MYO5B: variants seen among roughly 807,000 people sequenced by gnomAD.
The protein encoded by MYO5B is myosin VB, also known as unconventional myosin-Vb.
A neutral mutation model predicts 229.3 loss-of-function variants in MYO5B; 143 were observed. That is an observed-to-expected ratio of 0.62 (90% CI 0.54 to 0.72). The LOEUF (loss-of-function observed/expected upper bound fraction) is 0.72. MYO5B is among the 30% of genes least tolerant of loss of function. The pLI is 0.00. For missense variants in MYO5B, 2,321 were observed against 2,331.0 expected (o/e 1.00, Z 0.09); for synonymous variants, 918 against 885.2 (o/e 1.04, Z -0.66).
intron 1 of MYO5B, among the ~76,000 whole-genome samples, chr18:50,068,533 C>T (rs1019927690): frequency 3.3e-5 from 5 of 152,126 alleles, no homozygotes; most frequent in Admixed American, 6.5e-5. Context: ...CCAAGCAGTC[C>T]CACCTTAAGT....
At chr18:50,172,706 G>A (rs1261403699) in intron 1 of MYO5B, among the ~76,000 whole-genome samples, 1 of 152,206 alleles carries the variant, frequency 6.6e-6, no homozygotes. Flanking sequence ...CAGTGAACAG[G>A]ACAAGTGCTG....
intron 22 of MYO5B, among the ~76,000 whole-genome samples, chr18:49,891,092 G>C (rs185696676): frequency 6.6e-6 from 1 of 152,094 alleles, no homozygotes; most frequent in Non-Finnish European, 1.5e-5. Context: ...TGACCTGGCC[G>C]CACTGTGCTC....
intron 14 of MYO5B, among the ~76,000 whole-genome samples, chr18:49,948,323 T>C (rs1263794456): frequency 1.3e-5 from 2 of 152,216 alleles, no homozygotes; most frequent in African/African-American, 2.4e-5. Flanking sequence ...TGGTACCCTT[T>C]GGAGGGAAAA....
intron 1 of MYO5B, among the ~76,000 whole-genome samples, chr18:50,075,647 A>G (rs1054426727): frequency 6.6e-6 from 1 of 152,164 alleles, no homozygotes; most frequent in Non-Finnish European, 1.5e-5. Context: ...GTTCCCCAAG[A>G]CAGACTACAG....
intron 2 of MYO5B, among the ~76,000 whole-genome samples, chr18:50,046,199 C>G (rs17801873): frequency 0.17 from 26,070 of 152,232 alleles, 2,294 homozygotes; most frequent in South Asian, 0.23. Context: ...CTGTATTCAA[C>G]TCCTGGTCCA....
At chr18:49,853,702 A>G in intron 30 of MYO5B, 55 bp from the exon 31 acceptor site, 2 of 1,531,276 alleles carry the variant, frequency 1.3e-6, no homozygotes, top group South Asian at 1.2e-5. Flanking sequence ...CCCCCATCTG[A>G]GGGGACACAG....
intron 9 of MYO5B, among the ~76,000 whole-genome samples, chr18:49,978,068 C>T (rs1395844728): frequency 6.6e-6 from 1 of 152,184 alleles, no homozygotes; most frequent in East Asian, 1.9e-4. Context: ...GACCACAAAC[C>T]TGCACTCAAA....
chr18:50,176,587 G>C (rs1005028363), intron 1 of MYO5B, among the ~76,000 whole-genome samples: 3 of 152,064 alleles, frequency 2.0e-5, no homozygotes, highest in Non-Finnish European at 4.4e-5. Context: ...TTGCATACCT[G>C]GTCCCTGATC....
At chr18:50,193,647 C>A (rs565883344) in intron 1 of MYO5B, among the ~76,000 whole-genome samples, 1 of 152,252 alleles carries the variant, frequency 6.6e-6, no homozygotes, top group African/African-American at 2.4e-5. Context: ...GGACACCACA[C>A]GCACACACAA....
chr18:50,158,077 C>A (rs2032709831), intron 1 of MYO5B, among the ~76,000 whole-genome samples: 1 of 152,150 alleles, frequency 6.6e-6, no homozygotes, highest in Non-Finnish European at 1.5e-5. Context: ...GAAGTGGGCA[C>A]ACGAAGGCAT....
intron 1 of MYO5B, among the ~76,000 whole-genome samples, chr18:50,088,546 G>A (rs114681086): frequency 0.013 from 1,967 of 152,286 alleles, 35 homozygotes; most frequent in African/African-American, 0.045. Flanking sequence ...AATTGAAGGA[G>A]CAATATTTTT....
At chr18:50,025,130 A>G (rs1055490416) in intron 4 of MYO5B, among the ~76,000 whole-genome samples, 1 of 152,166 alleles carries the variant, frequency 6.6e-6, no homozygotes, top group African/African-American at 2.4e-5. Context: ...ATAGATAACA[A>G]CTTGAATATT....
intron 16 of MYO5B, among the ~76,000 whole-genome samples, chr18:49,934,449 T>C (rs2025227891): frequency 1.3e-5 from 2 of 152,184 alleles, no homozygotes; most frequent in Admixed American, 6.5e-5. Flanking sequence ...GTCCCCAGTG[T>C]CTTCTCTCCT....
At chr18:50,188,281 C>T (rs569521482) in intron 1 of MYO5B, among the ~76,000 whole-genome samples, 2 of 152,240 alleles carry the variant, frequency 1.3e-5, no homozygotes, top group African/African-American at 4.8e-5. Flanking sequence ...ATTCTTTAGG[C>T]CCCAGTCATG....
intron 1 of MYO5B, among the ~76,000 whole-genome samples, chr18:50,135,362 A>T (rs931835883): frequency 5.9e-5 from 9 of 152,218 alleles, no homozygotes; most frequent in Admixed American, 4.6e-4. Flanking sequence ...AAGTGAAAAG[A>T]TATCAATTAT....
At chr18:50,130,253 A>G (rs1368918649) in intron 1 of MYO5B, among the ~76,000 whole-genome samples, 1 of 152,222 alleles carries the variant, frequency 6.6e-6, no homozygotes, top group Non-Finnish European at 1.5e-5. Flanking sequence ...TGATTTTTTC[A>G]AGAACTTCCT....
intron 1 of MYO5B, among the ~76,000 whole-genome samples, chr18:50,151,627 T>C (rs964003345): frequency 2.0e-5 from 3 of 152,212 alleles, no homozygotes; most frequent in East Asian, 1.9e-4. Flanking sequence ...CATTAAACTA[T>C]GCAAGAAAAA....
At chr18:50,105,248 T>TAAATAAATAAATAAA (rs1248634941) in intron 1 of MYO5B, among the ~76,000 whole-genome samples, 4 of 131,674 alleles carry the variant, frequency 3.0e-5, no homozygotes, top group East Asian at 2.3e-4. Context: ...AATAAATAAA[T>TAAATAAATAAATAAA]AAAAAATAGA....
chr18:49,928,763 G>A (rs78653961), intron 17 of MYO5B, among the ~76,000 whole-genome samples: 8,458 of 152,224 alleles, frequency 0.056, 266 homozygotes, highest in South Asian at 0.15. Flanking sequence ...AATGTGGTAC[G>A]TATATATGAA....
Sources: gnomAD v4.1 joint callset for allele counts (sites outside exome capture counted in the v4.1 genomes callset) on GRCh38, gnomAD v4.1.1 for gene constraint, MANE v1.5 for transcripts, NCBI Gene and HGNC (gene_info 2026-07-23, HGNC 2026-07-21) for gene names.